The following UGT1A4 variants were observed in gnomAD, a reference collection of about 807,000 sequenced individuals.
The protein encoded by UGT1A4 is UDP-glucuronosyltransferase 1A4.
UGT1A4 carries 32 observed loss-of-function variants against 41.1 expected under a neutral mutation model. The observed-to-expected ratio is 0.78, with a 90% confidence interval of 0.59 to 1.05. The LOEUF is 1.05. Among genes scored for constraint, UGT1A4 ranks in the 50% least tolerant of loss-of-function variants. The pLI, the probability that UGT1A4 is intolerant of heterozygous loss-of-function variation, is 0.00. For synonymous variants in UGT1A4, 283 were observed against 265.1 expected, an observed-to-expected ratio of 1.07 and a Z score of -0.66; for missense variants, 748 against 677.4, an observed-to-expected ratio of 1.10 and a Z score of -1.16.
rs759077293 is a variant in UGT1A4, at chr2:233,769,522, C to T, written c.1307+1083C>T. On this transcript the variant is annotated intron_variant, in intron 4 of 4. Transcript: ENST00000373409. The surrounding 1 kb of genome is among the most constrained non-coding windows in gnomAD (Gnocchi z 4.4). ...GTCCATTGCTTTCTCCCATGGTTAC[C>T]TCCTTTAGAAAGAAGCAGCAGTCAG... 1.2e-6 allele frequency: 2 copies of T among 1,612,844 alleles called. No individual in the cohort carries two copies. The highest frequency in any genetic ancestry group is 1.7e-6 in the Non-Finnish European group (2 of 1,179,866).
At chr2:233,761,840 A>T (rs1697880873) in intron 1 of UGT1A4, among the ~76,000 whole-genome samples, 1 of 152,140 alleles carries the variant, frequency 6.6e-6, no homozygotes, top group African/African-American at 2.4e-5. Context: ...AGCGTTAGGG[A>T]ATTACTCTTT....
chr2:233,768,154 C>G, intron 3 of UGT1A4, 66 bp from the exon 4 acceptor site: 1 of 1,612,760 alleles, frequency 6.2e-7, no homozygotes, highest in Non-Finnish European at 8.5e-7. Context: ...TTTTCAGAAC[C>G]TAGATGTGTC....
intron 1 of UGT1A4, chr2:233,747,939 G>A (rs1693817235): frequency 2.5e-6 from 4 of 1,613,396 alleles, no homozygotes; most frequent in Non-Finnish European, 3.4e-6. Flanking sequence ...TCAGAGGGAG[G>A]TGTCAGTGGT....
At chr2:233,747,897 G>T in intron 1 of UGT1A4, 2 of 1,613,482 alleles carry the variant, frequency 1.2e-6, no homozygotes, top group Non-Finnish European at 1.7e-6. Flanking sequence ...TGCTCTTTCT[G>T]CTCCTTATGC....
intron 1 of UGT1A4, chr2:233,744,108 T>G: frequency 2.5e-6 from 1 of 394,750 alleles, no homozygotes; most frequent in South Asian, 2.1e-5. Flanking sequence ...GGACTGGCCC[T>G]GCTCTCTGTG....
At chr2:233,721,929 C>T (rs1233602775) in intron 1 of UGT1A4, 1 of 379,610 alleles carries the variant, frequency 2.6e-6, no homozygotes, top group African/African-American at 2.1e-5. Context: ...AAAGTGACAT[C>T]CTTCAGACAC....
chr2:233,766,956 T>C (rs1699290274), intron 1 of UGT1A4, 78 bp from the exon 2 acceptor site: 3 of 1,604,724 alleles, frequency 1.9e-6, no homozygotes, highest in Non-Finnish European at 2.5e-6. Flanking sequence ...GAGGAAGATA[T>C]CTAATTCATA....
intron 1 of UGT1A4, chr2:233,747,395 C>CA (rs1422981033): frequency 1.9e-6 from 3 of 1,606,350 alleles, no homozygotes; most frequent in Non-Finnish European, 2.6e-6. Context: ...CGGTGGTCCT[C>CA]ACCCCAGAGG....
At position 233,760,622 on chromosome 2, in the gene UGT1A4, C is replaced by G. The variant is rs766978023; in HGVS notation, c.868-6412C>G. The G allele has an allele frequency of 2.5e-6, 4 of 1,614,144 alleles. No individual in the cohort carries two copies. The East Asian group carries it at 8.9e-5, about 36-fold the overall frequency. ...TCTTTCCTGCAGCGTGTGATCAAAA[C>G]ATACAAGAAAATAAAAAAGGACTCT... On this transcript the variant is annotated intron_variant, in intron 1 of 4. Coordinates refer to ENST00000373409, the MANE Select transcript of UGT1A4 (RefSeq NM_007120.3).
intron 1 of UGT1A4, among the ~76,000 whole-genome samples, chr2:233,725,222 G>C (rs2077398090): frequency 1.1e-5 from 1 of 89,832 alleles, no homozygotes; most frequent in African/African-American, 7.8e-5. Context: ...AGGCAGAGGA[G>C]GCAGAGGCAG....
intron 3 of UGT1A4, 48 bp from the exon 4 acceptor site, chr2:233,768,172 G>C: frequency 6.2e-6 from 10 of 1,613,786 alleles, no homozygotes; most frequent in South Asian, 1.1e-5. Context: ...GTCCAGCTGT[G>C]AAACTCAGAG....
At chr2:233,772,194 T>C (rs921300076) in intron 4 of UGT1A4, 68 bp from the exon 5 acceptor site, 7 of 1,602,000 alleles carry the variant, frequency 4.4e-6, no homozygotes, top group Non-Finnish European at 6.0e-6. Context: ...TAAGCAGCCA[T>C]GAGCATAAAG....
intron 1 of UGT1A4, among the ~76,000 whole-genome samples, chr2:233,721,093 C>G (rs2076921307): frequency 6.6e-6 from 1 of 151,954 alleles, no homozygotes; most frequent in Admixed American, 6.6e-5. Flanking sequence ...GAGTTTAGGT[C>G]CTTTGTATTC....
In UGT1A4 at chr2:233,769,590, G is replaced by A; in HGVS notation, c.1307+1151G>A. On this transcript the variant is annotated intron_variant, in intron 4 of 4. Coordinates refer to ENST00000373409, the MANE Select transcript of UGT1A4 (RefSeq NM_007120.3). This position sits in a 1 kb window ranked among gnomAD's most constrained non-coding sequence, Gnocchi z 4.4. Reference sequence around the variant, plus strand: ...GCTGGAGCATGTTCAGATGAGAGGAGACGGAACACGGGGACACACCAGCTT... The same window carrying A: ...GCTGGAGCATGTTCAGATGAGAGGAAACGGAACACGGGGACACACCAGCTT... 6.2e-7 allele frequency: 1 copy of A among 1,612,882 alleles called. No individual in the cohort carries two copies. Among genetic ancestry groups the A allele is most frequent in the African/African-American group, 1.3e-5 (1 of 75,046 alleles).
chr2:233,749,548 G>A (rs1179692892), intron 1 of UGT1A4, among the ~76,000 whole-genome samples: 1 of 151,762 alleles, frequency 6.6e-6, no homozygotes, highest in Non-Finnish European at 1.5e-5. Flanking sequence ...TAAAGAACAG[G>A]CTAATGTATT....
At chr2:233,762,172 G>A (rs964461264) in intron 1 of UGT1A4, among the ~76,000 whole-genome samples, 8 of 152,040 alleles carry the variant, frequency 5.3e-5, no homozygotes, top group East Asian at 3.9e-4. Flanking sequence ...TGTATGCGGC[G>A]TCCTCAACAC....
chr2:233,737,725 T>A (rs936117182), intron 1 of UGT1A4, among the ~76,000 whole-genome samples: 1 of 152,150 alleles, frequency 6.6e-6, no homozygotes, highest in African/African-American at 2.4e-5. Context: ...CACCTCCTTT[T>A]TTTTTCCTTT....
rs766039492 is a variant in UGT1A4, at chr2:233,760,243, T to C, written c.868-6791T>C. The C allele has an allele frequency of 1.9e-6, 3 of 1,608,014 alleles. No homozygotes were observed. In the Admixed American group the frequency reaches 5.0e-5, roughly 27 times the overall value. ...TCGATTGGTTTTTGCCATATATATATATATAAGTAGGAGAGGGCGAACCTC... is the reference window on the plus strand; with the variant it reads ...TCGATTGGTTTTTGCCATATATATACATATAAGTAGGAGAGGGCGAACCTC... On this transcript the variant is annotated intron_variant, in intron 1 of 4. Coordinates refer to ENST00000373409, the MANE Select transcript of UGT1A4 (RefSeq NM_007120.3).
chr2:233,724,165 C>CA (rs1189702988), intron 1 of UGT1A4, among the ~76,000 whole-genome samples: 1 of 112,674 alleles, frequency 8.9e-6, no homozygotes. Flanking sequence ...GGGGGGCTGA[C>CA]CCCCCCATCT....
Sources: allele counts gnomAD v4.1 joint callset (sites outside exome capture counted in the v4.1 genomes callset), GRCh38; gene constraint gnomAD v4.1.1; non-coding constraint Gnocchi (gnomAD v3.1); transcripts MANE v1.5; gene names NCBI Gene and HGNC (gene_info 2026-07-23, HGNC 2026-07-21).